PDS5B: variants seen among roughly 807,000 people sequenced by gnomAD.
PDS5B encodes sister chromatid cohesion protein PDS5 homolog B.
PDS5B carries 51 observed loss-of-function variants against 184.1 expected under a neutral mutation model. The ratio of observed to expected loss-of-function variants is 0.28; its 90% confidence interval spans 0.22 to 0.35. The LOEUF is 0.35. PDS5B is among the 10% of genes least tolerant of loss of function. The pLI is 1.00. For missense variants in PDS5B, 1,180 were observed against 1,723.3 expected (o/e 0.68, Z 5.58); for synonymous variants, 566 against 569.2 (o/e 0.99, Z 0.08).
At chr13:32,688,246 G>T (rs190539857) in intron 12 of PDS5B, among the ~76,000 whole-genome samples, 107 of 152,168 alleles carry the variant, frequency 7.0e-4, no homozygotes, top group African/African-American at 2.6e-3. Context: ...TGTCTTAGCT[G>T]GGTGTAGGGC....
chr13:32,749,332 T>C (rs1953883115), intron 24 of PDS5B, among the ~76,000 whole-genome samples: 1 of 152,212 alleles, frequency 6.6e-6, no homozygotes, highest in African/African-American at 2.4e-5. Flanking sequence ...TTATTTTATC[T>C]GCAGTCCTCT....
chr13:32,714,726 T>G (rs1373774925), intron 19 of PDS5B, among the ~76,000 whole-genome samples: 2 of 152,230 alleles, frequency 1.3e-5, no homozygotes, highest in Non-Finnish European at 2.9e-5. Flanking sequence ...GTTATCTCTC[T>G]TATTCCCTGA....
intron 13 of PDS5B, among the ~76,000 whole-genome samples, chr13:32,692,413 G>C (rs1951576819): frequency 2.4e-5 from 1 of 42,434 alleles, no homozygotes; most frequent in South Asian, 1.0e-3. Context: ...CGTCCAAAAA[G>C]CCTTTTTTTT....
intron 1 of PDS5B, among the ~76,000 whole-genome samples, chr13:32,592,358 C>A (rs754058283): frequency 1.3e-5 from 2 of 151,856 alleles, no homozygotes; most frequent in Admixed American, 1.3e-4. Context: ...CAGGTTCAGG[C>A]GATTCTCCTG....
intron 1 of PDS5B, among the ~76,000 whole-genome samples, chr13:32,591,951 G>A (rs1246184872): frequency 9.2e-5 from 14 of 152,132 alleles, no homozygotes; most frequent in Admixed American, 9.2e-4. Flanking sequence ...ACCTGGCTTT[G>A]AACAACTCTG....
At chr13:32,617,228 C>G (rs1244980360) in intron 1 of PDS5B, among the ~76,000 whole-genome samples, 1 of 152,178 alleles carries the variant, frequency 6.6e-6, no homozygotes, top group Admixed American at 6.5e-5. Flanking sequence ...TTAATATAAT[C>G]TAGGGTGATG....
At chr13:32,594,896 T>A (rs1037747872) in intron 1 of PDS5B, among the ~76,000 whole-genome samples, 8 of 152,188 alleles carry the variant, frequency 5.3e-5, no homozygotes, top group African/African-American at 1.9e-4. Flanking sequence ...GTTGCTTTTT[T>A]AGTTTATTCT....
chr13:32,715,575 T>C (rs921710075), intron 19 of PDS5B, among the ~76,000 whole-genome samples: 2 of 152,190 alleles, frequency 1.3e-5, no homozygotes, highest in African/African-American at 2.4e-5. Flanking sequence ...TAACAGACTC[T>C]AGTTATAAAA....
chr13:32,731,221 G>A (rs1175390233), intron 19 of PDS5B, among the ~76,000 whole-genome samples: 1 of 151,944 alleles, frequency 6.6e-6, no homozygotes, highest in African/African-American at 2.4e-5. Context: ...TCTACTCTTA[G>A]TGTGATAAGC....
At chr13:32,642,019 T>G (rs916762127) in intron 1 of PDS5B, among the ~76,000 whole-genome samples, 1 of 152,202 alleles carries the variant, frequency 6.6e-6, no homozygotes, top group African/African-American at 2.4e-5. Context: ...ATAAATGGCC[T>G]TCTAGGAACA....
rs762088977 is a variant in PDS5B, at chr13:32,658,505, A to G, written c.471A>G (p.Leu157=). 5.1e-5 allele frequency: 80 copies of G among 1,556,786 alleles called. No homozygotes were observed. Among genetic ancestry groups the G allele is most frequent in the Non-Finnish European group, 6.7e-5 (76 of 1,135,662 alleles). ...ATAGCAATGAAATTTTCACCCAGCTATACAGAACCTTATTTTCAGTTATAA... is the reference window on the plus strand; with the variant it reads ...ATAGCAATGAAATTTTCACCCAGCTGTACAGAACCTTATTTTCAGTTATAA... ...LEDSNEIFTQ[L]YRTLFSVINN... The change falls in exon 5 of 35, where the codon CTA becomes CTG. Residue 157 remains leucine (L), a synonymous_variant. Coordinates refer to ENST00000315596, the MANE Select transcript of PDS5B (RefSeq NM_015032.4).
At position 32,647,770 on chromosome 13, in the gene PDS5B, C is replaced by T. The variant is rs375581904; in HGVS notation, c.-19-984C>T. On this transcript the variant is annotated intron_variant, in intron 1 of 34. Transcript: ENST00000315596. The stretch of plus-strand genomic sequence containing the variant: ...TTTAAGATTATAGTAGTTTTACAGT[C>T]TTTGATAGACACAAAAATTGTGTCT... 1.3e-4 allele frequency among the ~76,000 whole-genome samples: 20 copies of T among 152,030 alleles called. No individual in the cohort carries two copies. In the East Asian group the frequency reaches 2.1e-3, roughly 16 times the overall value.
chr13:32,775,980 C>T lies in PDS5B; in HGVS notation c.*928C>T, dbSNP rs965424923. 3.1e-5 allele frequency: 6 copies of T among 193,548 alleles called. No individual in the cohort carries two copies. Among genetic ancestry groups the T allele is most frequent in the African/African-American group, 1.4e-4 (6 of 41,922 alleles). 12.0% of individuals were successfully genotyped at this position (193,548 alleles called of 1,614,324 possible). On this transcript the variant is annotated 3_prime_UTR_variant, in exon 35 of 35. Coordinates refer to ENST00000315596, the MANE Select transcript of PDS5B (RefSeq NM_015032.4). ...CGTTATGTTCAGAAAATGCAAATTA[C>T]ACTATAATATAAAACCTGATATATA...
chr13:32,620,872 TGTG>T (rs1414392451), intron 1 of PDS5B, among the ~76,000 whole-genome samples: 1 of 152,192 alleles, frequency 6.6e-6, no homozygotes, highest in Non-Finnish European at 1.5e-5. Flanking sequence ...TATCTGGTGA[TGTG>T]GTGAATAATA....
intron 13 of PDS5B, among the ~76,000 whole-genome samples, chr13:32,693,724 C>T (rs1337809847): frequency 2.0e-5 from 3 of 150,528 alleles, no homozygotes; most frequent in Admixed American, 6.6e-5. Context: ...GCTTATATAT[C>T]GAGTACCTGT....
chr13:32,674,076 A>G (rs896994526), intron 8 of PDS5B, among the ~76,000 whole-genome samples: 9 of 152,084 alleles, frequency 5.9e-5, no homozygotes, highest in Non-Finnish European at 4.4e-5. Context: ...CGGCCTCCCA[A>G]TGTTGACATT....
chr13:32,685,718 T>A (rs538273886), intron 11 of PDS5B, among the ~76,000 whole-genome samples: 2 of 152,278 alleles, frequency 1.3e-5, no homozygotes, highest in East Asian at 3.9e-4. Context: ...CCATCACGGC[T>A]CATTGCATCC....
chr13:32,773,428 A>T, intron 34 of PDS5B, 104 bp downstream of exon 34: 10 of 988,410 alleles, frequency 1.0e-5, no homozygotes, highest in Non-Finnish European at 1.5e-5. Flanking sequence ...GTTTTACTTC[A>T]TTAGTTCATA....
At chr13:32,736,072 G>A (rs1593558199) in intron 21 of PDS5B, among the ~76,000 whole-genome samples, 1 of 152,270 alleles carries the variant, frequency 6.6e-6, no homozygotes, top group East Asian at 1.9e-4. Context: ...GCCAGTGTCA[G>A]TTGGTCTGCT....
Sources: gnomAD v4.1 joint callset for allele counts (sites outside exome capture counted in the v4.1 genomes callset) on GRCh38, gnomAD v4.1.1 for gene constraint, MANE v1.5 for transcripts, NCBI Gene and HGNC (gene_info 2026-07-23, HGNC 2026-07-21) for gene names.